Variants in SUZ12 observed in about 807,000 individuals in gnomAD.
The protein encoded by SUZ12 is polycomb protein SUZ12.
In SUZ12, 17 loss-of-function variants were observed where a neutral mutation model predicts 87.3. The observed-to-expected ratio is 0.19, with a 90% CI of 0.13 to 0.29. The LOEUF is 0.29. Ranked by LOEUF, SUZ12 falls within the 10% of genes least tolerant of loss-of-function variation. The pLI is 1.00. For synonymous variants in SUZ12, 253 were observed against 312.4 expected (o/e 0.81, Z 2.01); for missense variants, 526 against 912.2 (o/e 0.58, Z 5.45).
chr17:31,993,423 T>A, intron 11 of SUZ12, 90 bp downstream of exon 11: 1 of 819,778 alleles, frequency 1.2e-6, no homozygotes, highest in Non-Finnish European at 1.9e-6. Flanking sequence ...ATTTTTATTT[T>A]ATTTATTTAT....
chr17:31,947,590 A>T (rs576267158), intron 3 of SUZ12, 27 bp from the exon 4 acceptor site: 2 of 1,595,036 alleles, frequency 1.3e-6, no homozygotes, highest in East Asian at 4.5e-5. Context: ...TTGAGAAGTG[A>T]TTATTTTGTT....
chr17:31,985,398 G>C (rs963267443), intron 9 of SUZ12, among the ~76,000 whole-genome samples: 7 of 151,228 alleles, frequency 4.6e-5, no homozygotes, highest in African/African-American at 1.7e-4. Context: ...TAGTTTACAA[G>C]ATTTCCATAT....
chr17:31,966,810 T>C (rs1014716552), intron 5 of SUZ12: 7 of 152,222 alleles, frequency 4.6e-5, no homozygotes, highest in African/African-American at 1.2e-4. Flanking sequence ...ATTTTAGATA[T>C]TATTCAAAGG....
At chr17:31,943,076 T>C (rs1906402885) in intron 3 of SUZ12, among the ~76,000 whole-genome samples, 1 of 152,270 alleles carries the variant, frequency 6.6e-6, no homozygotes, top group South Asian at 2.1e-4. Context: ...ATTTGTCTTT[T>C]GGCAATCTTT....
At chr17:31,951,427 C>T (rs1167745747) in intron 4 of SUZ12, among the ~76,000 whole-genome samples, 1 of 151,040 alleles carries the variant, frequency 6.6e-6, no homozygotes, top group African/African-American at 2.4e-5. Context: ...CTTGCAGAAA[C>T]TTGTTGGTGG....
intron 4 of SUZ12, among the ~76,000 whole-genome samples, chr17:31,962,495 G>A (rs1024876541): frequency 5.9e-5 from 9 of 152,178 alleles, no homozygotes; most frequent in Non-Finnish European, 1.5e-5. Flanking sequence ...GGAGGCTGAG[G>A]TGGGAGAATC....
At chr17:31,989,221 C>G (rs1909571163) in intron 10 of SUZ12, among the ~76,000 whole-genome samples, 1 of 152,024 alleles carries the variant, frequency 6.6e-6, no homozygotes, top group South Asian at 2.1e-4. Context: ...CCTCTGCTGG[C>G]CTCTATGTGA....
chr17:31,974,159 A>G (rs989399420), intron 6 of SUZ12, among the ~76,000 whole-genome samples: 2 of 152,060 alleles, frequency 1.3e-5, no homozygotes, highest in Non-Finnish European at 2.9e-5. Flanking sequence ...GCAGTGAGCC[A>G]TGATTGCACC....
At chr17:31,949,529 T>C (rs1378520696) in intron 4 of SUZ12, among the ~76,000 whole-genome samples, 3 of 150,720 alleles carry the variant, frequency 2.0e-5, no homozygotes, top group South Asian at 2.1e-4. Flanking sequence ...AATCTATTTC[T>C]TTTTTTTTGA....
chr17:31,983,457 T>G (rs1342105741), intron 9 of SUZ12, among the ~76,000 whole-genome samples: 1 of 151,898 alleles, frequency 6.6e-6, no homozygotes, highest in Non-Finnish European at 1.5e-5. Flanking sequence ...TTTTTTTTTA[T>G]TTTCAGTAGA....
intron 7 of SUZ12, among the ~76,000 whole-genome samples, 168 bp from the exon 8 acceptor site, chr17:31,976,353 A>G (rs1163544274): frequency 6.6e-6 from 1 of 152,212 alleles, no homozygotes; most frequent in African/African-American, 2.4e-5. Flanking sequence ...AAAAGAACAT[A>G]TAGTAAAAAT....
At chr17:31,950,893 G>A (rs1906931678) in intron 4 of SUZ12, among the ~76,000 whole-genome samples, 1 of 151,852 alleles carries the variant, frequency 6.6e-6, no homozygotes, top group Admixed American at 6.6e-5. Context: ...CCATTCTCCT[G>A]CCTCAGCCTC....
intron 5 of SUZ12, among the ~76,000 whole-genome samples, chr17:31,970,625 CAAGAA>C (rs750724161): frequency 1.3e-5 from 2 of 150,980 alleles, no homozygotes; most frequent in African/African-American, 2.4e-5. Context: ...GAGGCTGACT[CAAGAA>C]AAGAAAAAAA....
intron 9 of SUZ12, among the ~76,000 whole-genome samples, chr17:31,986,801 C>T (rs551650469): frequency 3.3e-5 from 5 of 152,302 alleles, no homozygotes; most frequent in South Asian, 4.1e-4. Context: ...CTGCCCTCCT[C>T]GGCCTCCCAA....
Position 31,937,375 on chromosome 17 carries a change from C to T in SUZ12, c.129C>T (p.Gly43=), listed in dbSNP as rs1452063689. ...AATASGGKSG[G]GSCGGGGSYS... Reference sequence around the variant, plus strand: ...CGGCTTCGGGCGGCAAATCCGGCGGCGGGAGCTGTGGAGGGGGTGGCAGTT... The same window carrying T: ...CGGCTTCGGGCGGCAAATCCGGCGGTGGGAGCTGTGGAGGGGGTGGCAGTT... The change falls in exon 1 of 16, where the codon GGC becomes GGT. Residue 43 remains glycine (G), a synonymous_variant. Coordinates refer to ENST00000322652, the MANE Select transcript of SUZ12 (RefSeq NM_015355.4). 11 of 1,506,538 alleles carry T rather than the reference C, an allele frequency of 7.3e-6. No individual in the cohort carries two copies. In the Admixed American group the frequency reaches 1.1e-4, roughly 15 times the overall value. 93.3% of individuals were successfully genotyped at this position (1,506,538 alleles called of 1,614,324 possible).
At chr17:31,994,140 C>T in intron 12 of SUZ12, 132 bp downstream of exon 12, 1 of 812,840 alleles carries the variant, frequency 1.2e-6, no homozygotes, top group Admixed American at 3.4e-5. Flanking sequence ...TACAAGATAG[C>T]ATGACTTTCA....
chr17:31,966,112 A>G, intron 4 of SUZ12, 35 bp from the exon 5 acceptor site: 1 of 1,539,142 alleles, frequency 6.5e-7, no homozygotes, highest in Non-Finnish European at 8.8e-7. Flanking sequence ...ACAGAGCATT[A>G]CAATGATAAA....
chr17:31,974,370 A>T (rs930071580), intron 6 of SUZ12, among the ~76,000 whole-genome samples: 2 of 152,166 alleles, frequency 1.3e-5, no homozygotes, highest in African/African-American at 4.8e-5. Flanking sequence ...TGCTAAAAAT[A>T]TAAAAAATTA....
chr17:31,950,896 T>G (rs1401688100), intron 4 of SUZ12, among the ~76,000 whole-genome samples: 2 of 151,930 alleles, frequency 1.3e-5, no homozygotes, highest in African/African-American at 2.4e-5. Context: ...TTCTCCTGCC[T>G]CAGCCTCCCG....
Sources: allele counts gnomAD v4.1 joint callset (sites outside exome capture counted in the v4.1 genomes callset), GRCh38; gene constraint gnomAD v4.1.1; transcripts MANE v1.5; gene names NCBI Gene and HGNC (gene_info 2026-07-23, HGNC 2026-07-21).